Variants in WDR7 observed in about 807,000 individuals in gnomAD.
WDR7 encodes the protein WD repeat-containing protein 7.
Under a neutral mutation model 169.4 loss-of-function variants are expected in WDR7, and 46 were observed. The observed-to-expected ratio is 0.27, with a 90% CI of 0.21 to 0.35. The LOEUF (loss-of-function observed/expected upper bound fraction) is 0.35, where lower values mean the gene tolerates loss of function less well. Ranked by LOEUF, WDR7 falls within the 10% of genes least tolerant of loss-of-function variation. The pLI is 1.00. For missense variants in WDR7, 1,534 were observed against 1,859.3 expected, an observed-to-expected ratio of 0.83 and a Z score of 3.22; for synonymous variants, 612 against 666.8, an observed-to-expected ratio of 0.92 and a Z score of 1.27.
chr18:56,910,567 A>G (rs1416185067), intron 21 of WDR7, among the ~76,000 whole-genome samples: 3 of 152,154 alleles, frequency 2.0e-5, no homozygotes, highest in African/African-American at 7.2e-5. Flanking sequence ...TTTTCAACAT[A>G]GACTTTGAAA....
chr18:56,903,840 T>C (rs2046438916), intron 21 of WDR7, among the ~76,000 whole-genome samples: 1 of 152,164 alleles, frequency 6.6e-6, no homozygotes, highest in East Asian at 1.9e-4. Context: ...TGTTCTGTTA[T>C]CCAGAAATGA....
chr18:56,889,640 G>A (rs896505737), intron 21 of WDR7, among the ~76,000 whole-genome samples: 12 of 152,140 alleles, frequency 7.9e-5, no homozygotes, highest in African/African-American at 1.9e-4. Flanking sequence ...TAAAAAGTAC[G>A]AAGCCTGGAC....
At chr18:56,964,990 G>A (rs1222387134) in intron 26 of WDR7, among the ~76,000 whole-genome samples, 1 of 152,138 alleles carries the variant, frequency 6.6e-6, no homozygotes, top group East Asian at 1.9e-4. Context: ...TTTGAAACAA[G>A]ATTCATAGTA....
chr18:56,869,126 A>G (rs915015307), intron 20 of WDR7, among the ~76,000 whole-genome samples: 1 of 152,206 alleles, frequency 6.6e-6, no homozygotes. Flanking sequence ...CTTAAGATTT[A>G]TAATTATCAA....
chr18:56,686,247 A>G (rs1377127906), intron 6 of WDR7, among the ~76,000 whole-genome samples: 1 of 152,108 alleles, frequency 6.6e-6, no homozygotes, highest in Non-Finnish European at 1.5e-5. Flanking sequence ...TCTATCATGG[A>G]TATAAAATAG....
intron 20 of WDR7, among the ~76,000 whole-genome samples, chr18:56,820,482 G>A (rs1437510994): frequency 6.7e-6 from 1 of 149,728 alleles, no homozygotes. Flanking sequence ...TGCATTTTTT[G>A]TTAAATTATA....
chr18:56,740,550 A>G (rs1272698524), intron 14 of WDR7, among the ~76,000 whole-genome samples: 1 of 152,214 alleles, frequency 6.6e-6, no homozygotes, highest in Admixed American at 6.5e-5. Context: ...TGCTGTTCAG[A>G]TAGAATAAAG....
intron 22 of WDR7, among the ~76,000 whole-genome samples, chr18:56,927,132 T>G (rs1370756134): frequency 6.6e-6 from 1 of 152,228 alleles, no homozygotes; most frequent in Non-Finnish European, 1.5e-5. Flanking sequence ...TTTCTTCTTA[T>G]TCTTGTGAGT....
intron 19 of WDR7, among the ~76,000 whole-genome samples, chr18:56,794,304 A>ATTTTTTTTCTTTTTTTTTTTTTTTTTT (rs2044544165): frequency 2.0e-5 from 1 of 49,466 alleles, no homozygotes; most frequent in African/African-American, 6.6e-5. Context: ...GGTAAAGTCT[A>ATTTTTTTTCTTTTTTTTTTTTTTTTTT]TTTTTTTTTT....
At chr18:56,984,679 C>T (rs913187963) in intron 26 of WDR7, among the ~76,000 whole-genome samples, 1 of 152,174 alleles carries the variant, frequency 6.6e-6, no homozygotes, top group Non-Finnish European at 1.5e-5. Flanking sequence ...ATTTATGCAG[C>T]ACTTTTTAAA....
At chr18:56,963,455 G>A (rs2047363212) in intron 26 of WDR7, among the ~76,000 whole-genome samples, 1 of 152,084 alleles carries the variant, frequency 6.6e-6, no homozygotes, top group Admixed American at 6.6e-5. Flanking sequence ...TTATCTAAAA[G>A]TCTGGCTTCT....
intron 18 of WDR7, among the ~76,000 whole-genome samples, chr18:56,780,000 A>T (rs1294227886): frequency 6.6e-6 from 1 of 152,214 alleles, no homozygotes; most frequent in Non-Finnish European, 1.5e-5. Context: ...TTTAAATATC[A>T]GTCCCACCAA....
chr18:56,750,493 C>T (rs1193801236), intron 14 of WDR7, among the ~76,000 whole-genome samples: 1 of 152,132 alleles, frequency 6.6e-6, no homozygotes, highest in African/African-American at 2.4e-5. Context: ...AAGCATCTTG[C>T]ACATAAAAGG....
intron 27 of WDR7, among the ~76,000 whole-genome samples, chr18:57,021,729 C>A (rs2048295573): frequency 6.6e-6 from 1 of 152,052 alleles, no homozygotes; most frequent in African/African-American, 2.4e-5. Flanking sequence ...TTAAACACCC[C>A]CAAAAAAGTT....
At chr18:57,024,338 A>C (rs2048328142) in intron 27 of WDR7, among the ~76,000 whole-genome samples, 1 of 152,126 alleles carries the variant, frequency 6.6e-6, no homozygotes, top group Admixed American at 6.5e-5. Flanking sequence ...AAAAATTGTT[A>C]GTTGTTTCAG....
chr18:56,734,527 A>G (rs957882944), intron 14 of WDR7, among the ~76,000 whole-genome samples: 4 of 150,348 alleles, frequency 2.7e-5, no homozygotes, highest in Non-Finnish European at 5.9e-5. Flanking sequence ...TGCTTTTGAA[A>G]AAAAAAAAAA....
intron 26 of WDR7, among the ~76,000 whole-genome samples, chr18:56,983,351 C>G (rs998486457): frequency 2.0e-5 from 3 of 152,124 alleles, no homozygotes; most frequent in Non-Finnish European, 4.4e-5. Context: ...ATTTTCAAGG[C>G]AGTAATTTTT....
In WDR7 at chr18:56,878,478, C is replaced by T. The variant is rs537093261; in HGVS notation, c.3305-1466C>T. Among the ~76,000 whole-genome samples, 6 of 152,068 alleles carry T rather than the reference C, an allele frequency of 3.9e-5. No homozygotes were observed. The East Asian group carries it at 1.2e-3, about 29-fold the overall frequency. ...TTTTCATGCTTGTTATTTTCTGATCCAAAGTAGATGCCCAATAAATATTTG... is the reference window on the plus strand; with the variant it reads ...TTTTCATGCTTGTTATTTTCTGATCTAAAGTAGATGCCCAATAAATATTTG... On this transcript the variant is annotated intron_variant, in intron 20 of 27. Transcript: ENST00000254442.
intron 21 of WDR7, among the ~76,000 whole-genome samples, chr18:56,896,502 C>T (rs2046334077): frequency 6.6e-6 from 1 of 151,708 alleles, no homozygotes. Flanking sequence ...AGCAGACTCA[C>T]AGAACAAAAT....
Sources: gnomAD v4.1 joint callset for allele counts (sites outside exome capture counted in the v4.1 genomes callset) on GRCh38, gnomAD v4.1.1 for gene constraint, MANE v1.5 for transcripts, NCBI Gene and HGNC (gene_info 2026-07-23, HGNC 2026-07-21) for gene names.